ROBO2: variants seen among roughly 807,000 people sequenced by gnomAD.
ROBO2 encodes roundabout guidance receptor 2.
In ROBO2, 53 loss-of-function variants were observed where a neutral mutation model predicts 160.8. The observed-to-expected ratio is 0.33, with a 90% CI of 0.26 to 0.41. The LOEUF (loss-of-function observed/expected upper bound fraction) is 0.41. Ranked by LOEUF, ROBO2 falls within the 10% of genes least tolerant of loss-of-function variation. The pLI is 1.00. For synonymous variants in ROBO2, 664 were observed against 611.7 expected (o/e 1.09, Z -1.26); for missense variants, 1,577 against 1,722.4 (o/e 0.92, Z 1.49).
chr3:75,920,759 A>G (rs1387250446), intron 1 of ROBO2, among the ~76,000 whole-genome samples: 1 of 152,088 alleles, frequency 6.6e-6, no homozygotes, highest in Non-Finnish European at 1.5e-5. Flanking sequence ...TTCTTGTTGC[A>G]TTGATCCCTT....
At chr3:77,545,078 TC>T (rs2092644750) in intron 6 of ROBO2, among the ~76,000 whole-genome samples, 1 of 152,086 alleles carries the variant, frequency 6.6e-6, no homozygotes, top group Non-Finnish European at 1.5e-5. Context: ...TTTACTAGCC[TC>T]CCAGCCAGAC....
chr3:77,551,306 A>G (rs973049602), intron 8 of ROBO2, among the ~76,000 whole-genome samples: 2 of 152,042 alleles, frequency 1.3e-5, no homozygotes, highest in South Asian at 2.1e-4. Context: ...TTAGGCTGAC[A>G]TGATTGGCTC....
intron 2 of ROBO2, among the ~76,000 whole-genome samples, chr3:77,313,544 T>A (rs2063720286): frequency 6.6e-6 from 1 of 152,100 alleles, no homozygotes. Flanking sequence ...ATTCCCAGTC[T>A]CTAGATCAGT....
chr3:76,935,067 T>C (rs1182220270), intron 2 of ROBO2, among the ~76,000 whole-genome samples: 1 of 151,280 alleles, frequency 6.6e-6, no homozygotes, highest in African/African-American at 2.4e-5. Context: ...TCCTCCCACC[T>C]CAGCCTCCTG....
At chr3:77,538,907 CT>C (rs1559568827) in intron 6 of ROBO2, 1 of 478,876 alleles carries the variant, frequency 2.1e-6, no homozygotes, top group South Asian at 1.5e-5. Context: ...TTTGCAGAAA[CT>C]TTTTAATTTT....
chr3:76,785,920 T>G (rs2108661043), intron 2 of ROBO2, among the ~76,000 whole-genome samples: 1 of 151,460 alleles, frequency 6.6e-6, no homozygotes, highest in Non-Finnish European at 1.5e-5. Context: ...TAAGTTTTTA[T>G]ATGTATTAGA....
intron 2 of ROBO2, among the ~76,000 whole-genome samples, chr3:77,175,553 G>T (rs2080072044): frequency 6.6e-6 from 1 of 152,012 alleles, no homozygotes; most frequent in Non-Finnish European, 1.5e-5. Flanking sequence ...TTGGAGGCAG[G>T]AAGTGTGTGA....
At chr3:77,648,002 A>G (rs2153726346) in exon 26 of ROBO2, 1 of 152,260 alleles carries the variant, frequency 6.6e-6, no homozygotes, top group Middle Eastern at 3.4e-3. Context: ...GTGCCATGTA[A>G]TTTATTTCTT....
intron 1 of ROBO2, among the ~76,000 whole-genome samples, chr3:77,048,802 A>G (rs192788977): frequency 1.4e-4 from 22 of 152,334 alleles, no homozygotes; most frequent in Non-Finnish European, 3.2e-4. Context: ...GAATAAAACA[A>G]TATCATTACT....
intron 2 of ROBO2, among the ~76,000 whole-genome samples, chr3:76,567,138 C>T (rs184707455): frequency 5.1e-4 from 77 of 152,058 alleles, no homozygotes; most frequent in African/African-American, 1.6e-3. Flanking sequence ...AAAACGAAGA[C>T]GTGAGATAAG....
intron 2 of ROBO2, among the ~76,000 whole-genome samples, chr3:77,143,997 G>C (rs2076930276): frequency 6.6e-6 from 1 of 152,032 alleles, no homozygotes; most frequent in Non-Finnish European, 1.5e-5. Flanking sequence ...GTTATGTCAG[G>C]TTAAATTAAA....
chr3:76,628,248 TTTTC>T (rs1411447086), intron 2 of ROBO2, among the ~76,000 whole-genome samples: 1 of 152,050 alleles, frequency 6.6e-6, no homozygotes, highest in African/African-American at 2.4e-5. Context: ...ACGTGTGTTT[TTTTC>T]TTTCTTTTTT....
In ROBO2 at chr3:77,622,444, A is replaced by G. The variant is rs769980369; in HGVS notation, c.3760+12A>G. 1.2e-6 allele frequency: 2 copies of G among 1,613,374 alleles called. No homozygotes were observed. Among genetic ancestry groups the G allele is most frequent in the South Asian group, 2.2e-5 (2 of 91,052 alleles). ...CAGCTCTGTGACAGGTAACGGAACC[A>G]ATTTAATAGGAAAAACTGACCTATT... On this transcript the variant is annotated intron_variant, in intron 23 of 25. Transcript: ENST00000461745.
intron 2 of ROBO2, among the ~76,000 whole-genome samples, chr3:75,948,125 T>C (rs753742609): frequency 1.3e-5 from 2 of 152,202 alleles, no homozygotes; most frequent in South Asian, 2.1e-4. Flanking sequence ...AAAATCCTTA[T>C]TGGAATGGGC....
chr3:77,189,842 G>A (rs1156238662), intron 2 of ROBO2, among the ~76,000 whole-genome samples: 3 of 151,738 alleles, frequency 2.0e-5, no homozygotes, highest in African/African-American at 7.3e-5. Flanking sequence ...ACACAGGCTG[G>A]TACTGTTTTT....
At chr3:77,237,411 T>TGTGTGTG (rs1553862752) in intron 2 of ROBO2, among the ~76,000 whole-genome samples, 17 of 131,120 alleles carry the variant, frequency 1.3e-4, no homozygotes, top group African/African-American at 4.7e-4. Context: ...TTGTTTTGTT[T>TGTGTGTG]TGTGTGTGTG....
intron 2 of ROBO2, among the ~76,000 whole-genome samples, chr3:76,594,281 C>G (rs931516411): frequency 6.6e-6 from 1 of 151,990 alleles, no homozygotes; most frequent in South Asian, 2.1e-4. Flanking sequence ...GCTTTGCTCT[C>G]AGTCTCATAA....
At chr3:76,714,722 T>C (rs940645484) in intron 2 of ROBO2, among the ~76,000 whole-genome samples, 2 of 152,152 alleles carry the variant, frequency 1.3e-5, no homozygotes, top group African/African-American at 2.4e-5. Context: ...GATAAAGATA[T>C]ACATTAAAAT....
chr3:77,296,577 A>G (rs1580831641), intron 2 of ROBO2, among the ~76,000 whole-genome samples: 1 of 152,078 alleles, frequency 6.6e-6, no homozygotes, highest in African/African-American at 2.4e-5. Context: ...TCTAGAGTCT[A>G]ATTTAATTGT....
Sources: gnomAD v4.1 joint callset for allele counts (sites outside exome capture counted in the v4.1 genomes callset) on GRCh38, gnomAD v4.1.1 for gene constraint, MANE v1.5 for transcripts, NCBI Gene and HGNC (gene_info 2026-07-23, HGNC 2026-07-21) for gene names.